SFMBT1: variants seen among roughly 807,000 people sequenced by gnomAD.
SFMBT1 encodes Scm like with four mbt domains 1, also known as scm-like with four MBT domains protein 1.
Under a neutral mutation model 108.7 loss-of-function variants are expected in SFMBT1, and 32 were observed. That is an observed-to-expected ratio of 0.29 (90% CI 0.22 to 0.40). SFMBT1 has a LOEUF of 0.40. Ranked by LOEUF, SFMBT1 falls within the 10% of genes least tolerant of loss-of-function variation. The pLI, the probability that SFMBT1 is intolerant of heterozygous loss-of-function variation, is 1.00. For synonymous variants in SFMBT1, 348 were observed against 369.5 expected, an observed-to-expected ratio of 0.94 and a Z score of 0.67; for missense variants, 816 against 1,059.6, an observed-to-expected ratio of 0.77 and a Z score of 3.19.
chr3:52,954,832 T>C (rs374761825), intron 2 of SFMBT1, among the ~76,000 whole-genome samples: 1 of 146,954 alleles, frequency 6.8e-6, no homozygotes, highest in South Asian at 2.2e-4. Flanking sequence ...GAGTGAAAGA[T>C]ACTCCTAGTA....
At chr3:53,021,770 A>G (rs1699313362) in intron 1 of SFMBT1, among the ~76,000 whole-genome samples, 1 of 152,194 alleles carries the variant, frequency 6.6e-6, no homozygotes, top group South Asian at 2.1e-4. Flanking sequence ...ACAGCTCAAA[A>G]ACAGCAACCG....
At chr3:53,038,085 CAA>C (rs1699921933) in intron 1 of SFMBT1, among the ~76,000 whole-genome samples, 1 of 151,832 alleles carries the variant, frequency 6.6e-6, no homozygotes, top group South Asian at 2.1e-4. Context: ...GCCTGGGCAA[CAA>C]GAGCAAAACT....
intron 1 of SFMBT1, among the ~76,000 whole-genome samples, chr3:52,998,453 GAAAGT>G (rs1356831305): frequency 2.0e-5 from 3 of 150,362 alleles, no homozygotes; most frequent in African/African-American, 7.3e-5. Flanking sequence ...ACGCATTGGA[GAAAGT>G]AAAGGCTGGG....
chr3:53,012,221 C>T (rs1360058577), intron 1 of SFMBT1, among the ~76,000 whole-genome samples: 3 of 152,128 alleles, frequency 2.0e-5, no homozygotes, highest in Non-Finnish European at 2.9e-5. Flanking sequence ...TTACTGGCAC[C>T]CTCTGGGAGA....
chr3:52,905,335 T>C, intron 20 of SFMBT1, 59 bp from the exon 21 acceptor site: 2 of 1,551,136 alleles, frequency 1.3e-6, no homozygotes, highest in Admixed American at 3.6e-5. Flanking sequence ...AGCTTGATCA[T>C]GACAGCCTCT....
intron 2 of SFMBT1, among the ~76,000 whole-genome samples, chr3:52,963,968 A>T (rs1704048878): frequency 6.6e-6 from 1 of 152,192 alleles, no homozygotes; most frequent in Non-Finnish European, 1.5e-5. Context: ...AAGAGATACA[A>T]GCATAAAATC....
Position 52,932,102 on chromosome 3 carries a change from A to G in SFMBT1, c.660T>C (p.Gly220=). The G allele has an allele frequency of 6.2e-7, 1 of 1,614,174 alleles. No individual in the cohort carries two copies. The part of the protein sequence containing the change: ...YYLDPFLHHV[G]WAAQQGYELQ... ...GCTCATATCCCTGTTGAGCAGCCCA[A>G]CCAACGTGATGAAGAAATGGATCCA... Residue 220 remains glycine, a synonymous_variant, in exon 6 of 21, where the codon GGT becomes GGC. Coordinates refer to ENST00000394752, the MANE Select transcript of SFMBT1 (RefSeq NM_016329.4).
chr3:52,980,655 TAA>T (rs34854186), intron 1 of SFMBT1, among the ~76,000 whole-genome samples: 72 of 124,924 alleles, frequency 5.8e-4, no homozygotes, highest in Non-Finnish European at 5.4e-4. Flanking sequence ...GACCATTGTT[TAA>T]AAAAAAAAAA....
chr3:52,991,900 A>G (rs1332643188), intron 1 of SFMBT1, among the ~76,000 whole-genome samples: 2 of 152,316 alleles, frequency 1.3e-5, no homozygotes, highest in Middle Eastern at 3.4e-3. Flanking sequence ...TCTATTATTC[A>G]TAAGTTACTG....
At chr3:53,012,466 G>A (rs967288221) in intron 1 of SFMBT1, among the ~76,000 whole-genome samples, 32 of 151,538 alleles carry the variant, frequency 2.1e-4, no homozygotes, top group African/African-American at 7.0e-4. Context: ...GCAGTGGCGC[G>A]ATCTCAGCTC....
intron 2 of SFMBT1, among the ~76,000 whole-genome samples, chr3:52,965,442 T>C (rs1346598008): frequency 1.5e-5 from 2 of 136,530 alleles, no homozygotes; most frequent in African/African-American, 5.4e-5. Flanking sequence ...AAAAAAAAAA[T>C]CTTAAAATTA....
intron 17 of SFMBT1, among the ~76,000 whole-genome samples, chr3:52,910,326 T>C (rs1440188135): frequency 6.6e-6 from 1 of 152,200 alleles, no homozygotes; most frequent in Non-Finnish European, 1.5e-5. Flanking sequence ...AAATATATAC[T>C]TGCAGATTGT....
chr3:53,012,886 A>G (rs1341181838), intron 1 of SFMBT1, among the ~76,000 whole-genome samples: 1 of 151,718 alleles, frequency 6.6e-6, no homozygotes, highest in African/African-American at 2.4e-5. Flanking sequence ...AGCTATAAAT[A>G]TAACAAATTA....
intron 10 of SFMBT1, among the ~76,000 whole-genome samples, chr3:52,925,073 T>C (rs985738790): frequency 1.3e-5 from 2 of 151,910 alleles, no homozygotes; most frequent in Admixed American, 6.6e-5. Context: ...AAATGAAAAT[T>C]AGGCGAGTGT....
rs141420129 is a variant in SFMBT1, at chr3:52,916,822, A to G, written c.1416-608T>C. ...TACTACATGTTCAAACTTTCTCTTC[A>G]TTCACTGGGCAAAAAAATTACAAAA... On this transcript the variant is annotated intron_variant, in intron 13 of 20. Transcript: ENST00000394752. Among the ~76,000 whole-genome samples, 59 of 152,316 alleles carry G rather than the reference A, an allele frequency of 3.9e-4. No homozygotes were observed. In the East Asian group the frequency reaches 0.01, roughly 26 times the overall value.
At chr3:52,972,532 T>G (rs1209926077) in intron 1 of SFMBT1, among the ~76,000 whole-genome samples, 1 of 152,196 alleles carries the variant, frequency 6.6e-6, no homozygotes, top group Non-Finnish European at 1.5e-5. Context: ...CTGTTCATAT[T>G]AAATTGTCTT....
intron 14 of SFMBT1, 69 bp downstream of exon 14, chr3:52,916,076 TTTAAG>T: frequency 2.3e-6 from 3 of 1,280,392 alleles, no homozygotes; most frequent in East Asian, 2.3e-5. Flanking sequence ...AATGTACTGT[TTTAAG>T]TTATTTTCAG....
chr3:52,907,161 A>C lies in SFMBT1; in HGVS notation c.2239T>G (p.Ser747Ala). 1 of 1,614,214 alleles carries C rather than the reference A, an allele frequency of 6.2e-7. No individual in the cohort carries two copies. Among genetic ancestry groups the C allele is most frequent in the Non-Finnish European group, 8.5e-7 (1 of 1,180,028 alleles). Residue 747 changes from serine (S) to alanine (A), a missense_variant, in exon 19 of 21, where the codon TCC becomes GCC. Transcript: ENST00000394752. ...CSSSPTQSEISTSLPPDRQRR... is the reference protein window; with the variant it reads ...CSSSPTQSEIATSLPPDRQRR... ...TGTCTATCTGGAGGCAGCGATGTGG[A>C]TATCTCACTTTGGGTGGGAGAAGAG...
At position 52,913,524 on chromosome 3, in the gene SFMBT1, A is replaced by T. The variant is rs774463246; in HGVS notation, c.1574T>A (p.Leu525Gln). ...PYLNKGRIAE[L>Q]PQCVGPGNCV... ...GTTCCCAGGTCCTACACATTGAGGC[A>T]GCTCAGCAATTCTTCCTTTGTTAAG... The change falls in exon 15 of 21, where the codon CTG (leucine) becomes CAG (glutamine). Residue 525 changes from leucine to glutamine, a missense_variant. This residue lies in a region of SFMBT1 where 16 missense variants were observed against 57.5 expected (regional missense o/e 0.28). Coordinates refer to ENST00000394752, the MANE Select transcript of SFMBT1 (RefSeq NM_016329.4). 1 of 1,614,188 alleles carries T rather than the reference A, an allele frequency of 6.2e-7. No individual in the cohort carries two copies. Among genetic ancestry groups the T allele is most frequent in the Non-Finnish European group, 8.5e-7 (1 of 1,180,024 alleles).
Sources: gnomAD v4.1 joint callset for allele counts (sites outside exome capture counted in the v4.1 genomes callset) on GRCh38, gnomAD v4.1.1 for gene constraint, gnomAD v4.1.1 regional missense constraint, MANE v1.5 for transcripts, NCBI Gene and HGNC (gene_info 2026-07-23, HGNC 2026-07-21) for gene names.